Variants in ESRRG observed in about 807,000 individuals in gnomAD.
ESRRG encodes the protein estrogen-related receptor gamma.
A neutral mutation model predicts 44.0 loss-of-function variants in ESRRG; 13 were observed. The ratio of observed to expected loss-of-function variants is 0.30; its 90% CI spans 0.19 to 0.47. The LOEUF is 0.47. Among genes scored for constraint, ESRRG ranks in the 20% least tolerant of loss-of-function variants. The probability of loss-of-function intolerance (pLI) is 1.00; values close to 1 mark genes in which losing one functional copy is unlikely to be tolerated. For synonymous variants in ESRRG, 215 were observed against 214.6 expected (o/e 1.00, Z -0.02); for missense variants, 395 against 580.6 (o/e 0.68, Z 3.29).
intron 1 of ESRRG, among the ~76,000 whole-genome samples, chr1:216,977,716 G>A (rs2073220868): frequency 6.6e-6 from 1 of 152,094 alleles, no homozygotes; most frequent in Non-Finnish European, 1.5e-5. Context: ...AACCAGCTGG[G>A]TTGCTGTGGT....
Position 216,639,387 on chromosome 1 carries a change from G to C in ESRRG, c.589+11586C>G, listed in dbSNP as rs972934908. Among the ~76,000 whole-genome samples, 9 of 152,244 alleles carry C rather than the reference G, an allele frequency of 5.9e-5. No individual in the cohort carries two copies. The South Asian group carries it at 1.7e-3, about 28-fold the overall frequency. On this transcript the variant is annotated intron_variant, in intron 3 of 6. Transcript: ENST00000408911. ...GGGGATATTAATTGGACAATCCAGG[G>C]AGAAGCCACTAAATAAGGGCTCAGG...
chr1:216,814,036 T>C (rs1056068461), intron 2 of ESRRG, among the ~76,000 whole-genome samples: 1 of 152,040 alleles, frequency 6.6e-6, no homozygotes, highest in Non-Finnish European at 1.5e-5. Flanking sequence ...TCCCAGGAGC[T>C]CCTCAACCCA....
intron 1 of ESRRG, among the ~76,000 whole-genome samples, chr1:216,990,298 A>G (rs1262401534): frequency 6.6e-6 from 1 of 152,250 alleles, no homozygotes; most frequent in African/African-American, 2.4e-5. Context: ...GTTAAAGTTG[A>G]ATAACAGCAC....
At chr1:216,922,649 A>C (rs1417769882) in intron 2 of ESRRG, among the ~76,000 whole-genome samples, 3 of 152,172 alleles carry the variant, frequency 2.0e-5, no homozygotes, top group African/African-American at 7.2e-5. Context: ...CCGAGTCCGA[A>C]GGAAGATGAG....
chr1:216,716,143 C>G (rs564501683), intron 1 of ESRRG, among the ~76,000 whole-genome samples: 1 of 152,156 alleles, frequency 6.6e-6, no homozygotes, highest in South Asian at 2.1e-4. Context: ...TCCACTTCTT[C>G]AAGTTTTTAT....
chr1:217,052,524 C>T (rs1365633220), intron 1 of ESRRG, among the ~76,000 whole-genome samples: 2 of 152,180 alleles, frequency 1.3e-5, no homozygotes, highest in Non-Finnish European at 2.9e-5. Context: ...TCTCACTCCC[C>T]ATCTTTCTAA....
At chr1:216,758,814 C>T (rs1036590455) in intron 2 of ESRRG, among the ~76,000 whole-genome samples, 1 of 151,892 alleles carries the variant, frequency 6.6e-6, no homozygotes, top group African/African-American at 2.4e-5. Context: ...AGTCTGATTA[C>T]CCCCATAAAT....
intron 1 of ESRRG, among the ~76,000 whole-genome samples, chr1:217,030,961 C>T (rs1000207119): frequency 6.6e-6 from 1 of 152,144 alleles, no homozygotes; most frequent in Admixed American, 6.5e-5. Flanking sequence ...TTTATTTTTA[C>T]TTTTTAAAAT....
chr1:216,733,496 T>C (rs558014051), intron 2 of ESRRG, among the ~76,000 whole-genome samples: 1 of 152,294 alleles, frequency 6.6e-6, no homozygotes, highest in East Asian at 1.9e-4. Flanking sequence ...TCAATCCTAA[T>C]CAATATTTCA....
intron 3 of ESRRG, among the ~76,000 whole-genome samples, chr1:216,585,881 A>T (rs1222983634): frequency 1.3e-5 from 2 of 152,108 alleles, no homozygotes; most frequent in East Asian, 3.9e-4. Flanking sequence ...TCTACTAAAA[A>T]TACAAAAAAT....
intron 1 of ESRRG, among the ~76,000 whole-genome samples, chr1:217,095,331 A>G (rs2092406906): frequency 1.3e-5 from 2 of 152,244 alleles, no homozygotes; most frequent in South Asian, 4.1e-4. Context: ...TGGGAAAATG[A>G]ACCAGCCTTT....
At chr1:216,619,246 C>T (rs1326331877) in intron 3 of ESRRG, among the ~76,000 whole-genome samples, 4 of 152,100 alleles carry the variant, frequency 2.6e-5, no homozygotes, top group South Asian at 2.1e-4. Flanking sequence ...GAAGAGGGAA[C>T]ATTAATGATT....
chr1:216,738,756 A>G (rs996116521), intron 2 of ESRRG, among the ~76,000 whole-genome samples: 1 of 152,154 alleles, frequency 6.6e-6, no homozygotes. Flanking sequence ...CTCTCAAAAC[A>G]CTGGCAGATT....
chr1:216,732,172 C>G (rs1268839359), intron 2 of ESRRG, among the ~76,000 whole-genome samples: 2 of 150,234 alleles, frequency 1.3e-5, no homozygotes, highest in Non-Finnish European at 3.0e-5. Flanking sequence ...AAGTGGAATA[C>G]CCAATATTTT....
intron 2 of ESRRG, among the ~76,000 whole-genome samples, chr1:216,918,993 T>C (rs1001755689): frequency 6.6e-6 from 1 of 151,932 alleles, no homozygotes; most frequent in African/African-American, 2.4e-5. Flanking sequence ...ATAACTTTTA[T>C]AAACTACAAA....
intron 1 of ESRRG, among the ~76,000 whole-genome samples, chr1:217,029,260 A>G (rs551024099): frequency 1.3e-5 from 2 of 152,362 alleles, no homozygotes; most frequent in South Asian, 4.1e-4. Context: ...AGGGCATAAA[A>G]TAATAAGAAA....
At position 216,858,821 on chromosome 1, in the gene ESRRG, C is replaced by A. The variant is rs146784527; in HGVS notation, c.-14+80761G>T. Reference sequence around the variant, plus strand: ...TGTGACCCATTCTTAAGGTGACTTTCCATGGTAAGCATCTTGTAAAAGAGA... The same window carrying A: ...TGTGACCCATTCTTAAGGTGACTTTACATGGTAAGCATCTTGTAAAAGAGA... On this transcript the variant is annotated intron_variant, in intron 2 of 7. Transcript: ENST00000359162. 2.3e-3 allele frequency among the ~76,000 whole-genome samples: 344 copies of A among 152,238 alleles called. 2 individuals are homozygous for A. Among genetic ancestry groups the A allele is most frequent in the African/African-American group, 6.8e-3 (284 of 41,530 alleles).
chr1:216,564,943 A>T (rs2059419561), intron 4 of ESRRG, among the ~76,000 whole-genome samples: 2 of 152,144 alleles, frequency 1.3e-5, no homozygotes, highest in Non-Finnish European at 2.9e-5. Flanking sequence ...CGTGGGATGC[A>T]TTAAATAGGA....
intron 3 of ESRRG, among the ~76,000 whole-genome samples, chr1:216,586,573 C>A (rs1398143189): frequency 6.9e-6 from 1 of 145,342 alleles, no homozygotes; most frequent in Admixed American, 6.9e-5. Flanking sequence ...ACCTAAGTAA[C>A]TTTTGGGCTT....
Sources: gnomAD v4.1 joint callset for allele counts (sites outside exome capture counted in the v4.1 genomes callset) on GRCh38, gnomAD v4.1.1 for gene constraint, MANE v1.5 for transcripts, NCBI Gene and HGNC (gene_info 2026-07-23, HGNC 2026-07-21) for gene names.